Variants in MAOA observed in about 807,000 individuals in gnomAD.
The protein encoded by MAOA is amine oxidase [flavin-containing] A.
A neutral mutation model predicts 42.0 loss-of-function variants in MAOA; 6 were observed. That is an observed-to-expected ratio of 0.14 (90% CI 0.08 to 0.28). MAOA has a LOEUF of 0.28. Ranked by LOEUF, MAOA falls within the 10% of genes least tolerant of loss-of-function variation. The pLI, the probability that MAOA is intolerant of heterozygous loss-of-function variation, is 1.00. For synonymous variants in MAOA, 140 were observed against 154.0 expected (o/e 0.91, Z 0.67); for missense variants, 262 against 422.3 (o/e 0.62, Z 3.33).
chrX:43,674,043 G>A (rs1373644735), intron 1 of MAOA, among the ~76,000 whole-genome samples: 2 of 111,998 alleles, frequency 1.8e-5, no homozygotes, highest in Non-Finnish European at 3.8e-5. Flanking sequence ...GTTGACAGTG[G>A]GGTGTTAAAG....
intron 2 of MAOA, among the ~76,000 whole-genome samples, chrX:43,691,217 A>G (rs2033530133): frequency 9.0e-6 from 1 of 110,520 alleles, no homozygotes; most frequent in South Asian, 3.9e-4. Flanking sequence ...TACAAAAAAT[A>G]CAAAAATTAG....
chrX:43,682,536 C>T (rs369293816), intron 1 of MAOA, among the ~76,000 whole-genome samples: 9 of 111,520 alleles, frequency 8.1e-5, no homozygotes, highest in East Asian at 2.8e-4. Flanking sequence ...CAAATATCTG[C>T]GAGTCCATAT....
intron 1 of MAOA, among the ~76,000 whole-genome samples, chrX:43,666,014 C>T (rs755331896): frequency 1.8e-5 from 2 of 111,862 alleles, no homozygotes; most frequent in Non-Finnish European, 3.8e-5. Flanking sequence ...AATGACATGC[C>T]ACCGTATCCT....
intron 8 of MAOA, 36 bp downstream of exon 8, chrX:43,731,889 A>G: frequency 8.8e-7 from 1 of 1,133,954 alleles, no homozygotes; most frequent in Non-Finnish European, 1.2e-6. Context: ...ACTGTATTAT[A>G]TGAAGAAATC....
rs1485916714 is a variant in MAOA, at chrX:43,744,503, C to T, written c.1574C>T (p.Pro525Leu). 4 of 1,210,590 alleles carry T rather than the reference C, an allele frequency of 3.3e-6. No individual in the cohort carries two copies. The South Asian group carries it at 5.3e-5, about 16-fold the overall frequency. ...GTGCTGTACAAATACAAGCTCCTGC[C>T]ACGGTCTTGAAGTTCTGTTCTTATG... ...GFVLYKYKLL[P>L]RS is the part of the protein sequence containing the mutation. The change falls in exon 15 of 15, where the codon CCA becomes CTA. Residue 525 changes from proline to leucine, a missense_variant. Pro to Leu is a moderately conservative substitution (Grantham distance 98, BLOSUM62 -3). Coordinates refer to ENST00000338702, the MANE Select transcript of MAOA (RefSeq NM_000240.4).
At chrX:43,699,550 T>C (rs2033606395) in intron 3 of MAOA, among the ~76,000 whole-genome samples, 1 of 111,599 alleles carries the variant, frequency 9.0e-6, no homozygotes, top group Non-Finnish European at 1.9e-5. Context: ...AAGTAGAGAC[T>C]ATAAATATAT....
Position 43,656,322 on chromosome X carries a change from A to G in MAOA, c.-20A>G. 8.3e-7 allele frequency: 1 copy of G among 1,206,678 alleles called. No individual in the cohort carries two copies. The highest frequency in any genetic ancestry group is 1.1e-6 in the Non-Finnish European group (1 of 890,757). ...GTCCCCACTCCTGTGCCTACGACCC[A>G]GGAGCGTGTCAGCCAAAGCATGGAG... On this transcript the variant is annotated 5_prime_UTR_variant, in exon 1 of 15. Transcript: ENST00000338702.
At chrX:43,710,255 A>G (rs2033689772) in intron 3 of MAOA, among the ~76,000 whole-genome samples, 1 of 112,753 alleles carries the variant, frequency 8.9e-6, no homozygotes, top group African/African-American at 3.2e-5. Context: ...TGATGATGAT[A>G]AAGGATTTGG....
intron 9 of MAOA, among the ~76,000 whole-genome samples, chrX:43,733,467 A>C (rs940807831): frequency 9.0e-6 from 1 of 111,366 alleles, no homozygotes; most frequent in South Asian, 3.8e-4. Context: ...TAGCTGTCCT[A>C]CTCGTTGGGG....
intron 2 of MAOA, among the ~76,000 whole-genome samples, chrX:43,684,876 T>TTTC (rs1300263449): frequency 2.1e-4 from 5 of 24,029 alleles, no homozygotes; most frequent in African/African-American, 4.7e-4. Flanking sequence ...TTTCTTTTCT[T>TTTC]TTTTTTTTTT....
At chrX:43,686,543 A>G (rs764286343) in intron 2 of MAOA, among the ~76,000 whole-genome samples, 1 of 112,859 alleles carries the variant, frequency 8.9e-6, no homozygotes, top group African/African-American at 3.2e-5. Flanking sequence ...TCACGCCTGT[A>G]ATCCCAGCAC....
chrX:43,710,685 T>C (rs1465371560), intron 3 of MAOA, among the ~76,000 whole-genome samples: 2 of 112,388 alleles, frequency 1.8e-5, no homozygotes, highest in African/African-American at 3.2e-5. Flanking sequence ...AACTACCTAT[T>C]TCTGGTCTAT....
intron 3 of MAOA, among the ~76,000 whole-genome samples, chrX:43,708,643 C>A (rs1412962716): frequency 2.1e-4 from 23 of 107,926 alleles, no homozygotes; most frequent in Admixed American, 7.8e-4. Context: ...ATGTTATGGG[C>A]CTTTATGGTC....
At chrX:43,717,340 G>A (rs1023641538) in intron 5 of MAOA, among the ~76,000 whole-genome samples, 13 of 111,113 alleles carry the variant, frequency 1.2e-4, no homozygotes, top group East Asian at 5.7e-4. Context: ...TGGTGGTGGC[G>A]GAAAGAGACA....
Position 43,744,882 on chromosome X carries a change from T to G in MAOA, c.*369T>G. 1 of 250,706 alleles carries G rather than the reference T, an allele frequency of 4.0e-6. No individual in the cohort carries two copies. The highest frequency in any genetic ancestry group is 7.3e-6 in the Non-Finnish European group (1 of 136,794). The allele number at this position is 250,706 out of a possible 1,213,427, so 20.7% of individuals were successfully genotyped here. On this transcript the variant is annotated 3_prime_UTR_variant, in exon 15 of 15. Transcript: ENST00000338702. ...GATTTCAGAAACAAAGCATTTGACT[T>G]TCTGTCTGTGGAGGTGGAGTAGGTG... is the stretch of plus-strand genomic sequence containing the variant.
At chrX:43,707,754 T>C (rs2033668948) in intron 3 of MAOA, among the ~76,000 whole-genome samples, 2 of 112,175 alleles carry the variant, frequency 1.8e-5, no homozygotes, top group African/African-American at 3.2e-5. Context: ...AAGGTATTCA[T>C]ATAAGCTGTA....
intron 1 of MAOA, among the ~76,000 whole-genome samples, chrX:43,658,204 C>T (rs2033202001): frequency 1.8e-5 from 2 of 111,428 alleles, no homozygotes; most frequent in South Asian, 7.6e-4. Flanking sequence ...CATCTCCATA[C>T]CATCTGTATT....
intron 2 of MAOA, 39 bp downstream of exon 2, chrX:43,683,646 A>C: frequency 1.4e-4 from 147 of 1,034,948 alleles, no homozygotes; most frequent in Non-Finnish European, 1.8e-4. Flanking sequence ...GTAATATCTC[A>C]CTCAAACTAC....
chrX:43,738,006 A>G (rs2033933004), intron 10 of MAOA, among the ~76,000 whole-genome samples: 1 of 112,301 alleles, frequency 8.9e-6, no homozygotes, highest in Admixed American at 9.5e-5. Flanking sequence ...TGACAAAAAC[A>G]GTGGTTCCCA....
Sources: allele counts gnomAD v4.1 joint callset (sites outside exome capture counted in the v4.1 genomes callset), GRCh38; gene constraint gnomAD v4.1.1; transcripts MANE v1.5; gene names NCBI Gene and HGNC (gene_info 2026-07-23, HGNC 2026-07-21).